The following ZEB2 variants were observed in gnomAD, a reference collection of about 807,000 sequenced individuals.
ZEB2 encodes zinc finger E-box-binding homeobox 2.
A neutral mutation model predicts 99.9 loss-of-function variants in ZEB2; 6 were observed. The observed-to-expected ratio is 0.06, with a 90% CI of 0.03 to 0.12. ZEB2 has a LOEUF of 0.12. Among genes scored for constraint, ZEB2 ranks in the 10% least tolerant of loss-of-function variants. The pLI is 1.00. For missense variants in ZEB2, 969 were observed against 1,502.8 expected, an observed-to-expected ratio of 0.64 and a Z score of 5.87; for synonymous variants, 517 against 542.5, an observed-to-expected ratio of 0.95 and a Z score of 0.65.
At chr2:144,410,131 G>C (rs765718583) in intron 4 of ZEB2, among the ~76,000 whole-genome samples, 1 of 151,950 alleles carries the variant, frequency 6.6e-6, no homozygotes, top group Admixed American at 6.6e-5. Context: ...GGATGGTCTC[G>C]ATCTCCTGAC....
rs1489720797 is a variant in ZEB2, at chr2:144,400,057, T to G, written c.1130A>C (p.Lys377Thr). ...TQLRNKLENGKPLSMSEQTGL... is the reference protein window; with the variant it reads ...TQLRNKLENGTPLSMSEQTGL... ...TGTCTGTTCAGACATACTAAGTGGT[T>G]TTCCATTCTCCAACTTGTTTCTTAA... Residue 377 changes from lysine to threonine, a missense_variant, in exon 8 of 10, where the codon AAA (lysine) becomes ACA (threonine). Coordinates refer to ENST00000627532, the MANE Select transcript of ZEB2 (RefSeq NM_014795.4). 6.2e-7 allele frequency: 1 copy of G among 1,613,612 alleles called. No individual in the cohort carries two copies. The highest frequency in any genetic ancestry group is 8.5e-7 in the Non-Finnish European group (1 of 1,179,602).
intron 1 of ZEB2, chr2:144,519,476 G>A: frequency 6.4e-6 from 1 of 157,148 alleles, no homozygotes; most frequent in Admixed American, 6.1e-5. Flanking sequence ...GAATTTGTAG[G>A]TCTGTAACTG....
Position 144,520,074 on chromosome 2 carries a change from AGTGTCGG to A in ZEB2, c.-212_-206del. On this transcript the variant is annotated 5_prime_UTR_variant, in exon 1 of 10. Transcript: ENST00000627532. ...CAAACTGTACAAAAACCTCGCCAAG[AGTGTCGG>A]GAGGCAGGACCGTTATTCCTGCAGA... The A allele has an allele frequency of 2.2e-6, 1 of 454,556 alleles. No individual in the cohort carries two copies. The allele number at this position is 454,556 out of a possible 1,614,324, so 28.2% of individuals were successfully genotyped here. A position where few individuals can be genotyped will look rare whatever the true frequency, so the allele number is the denominator to read the frequency against.
At chr2:144,464,091 T>C (rs1466607076) in intron 2 of ZEB2, 1 of 152,206 alleles carries the variant, frequency 6.6e-6, no homozygotes, top group East Asian at 1.9e-4. Context: ...ATGGCTGTGT[T>C]TAGCATCTGG....
intron 2 of ZEB2, among the ~76,000 whole-genome samples, chr2:144,488,960 G>C (rs1346171771): frequency 6.6e-6 from 1 of 152,084 alleles, no homozygotes; most frequent in African/African-American, 2.4e-5. Flanking sequence ...TGTAATAAGA[G>C]GCTCCTTTGC....
intron 2 of ZEB2, among the ~76,000 whole-genome samples, chr2:144,445,379 G>A (rs1703969462): frequency 6.7e-6 from 1 of 149,790 alleles, no homozygotes; most frequent in African/African-American, 2.5e-5. Flanking sequence ...TTGATGTGTA[G>A]ATTGCAGCAT....
At chr2:144,505,751 C>G (rs886494005) in intron 2 of ZEB2, among the ~76,000 whole-genome samples, 1 of 152,152 alleles carries the variant, frequency 6.6e-6, no homozygotes, top group Admixed American at 6.5e-5. Context: ...GCCAGAAGCC[C>G]TATCAAAGAA....
At chr2:144,493,518 C>A (rs1487356726) in intron 2 of ZEB2, among the ~76,000 whole-genome samples, 1 of 152,102 alleles carries the variant, frequency 6.6e-6, no homozygotes, top group African/African-American at 2.4e-5. Flanking sequence ...ATCCTGTGTT[C>A]TTTTCATTAT....
At chr2:144,472,182 G>A (rs1054836885) in intron 2 of ZEB2, among the ~76,000 whole-genome samples, 2 of 149,406 alleles carry the variant, frequency 1.3e-5, no homozygotes, top group Non-Finnish European at 3.0e-5. Flanking sequence ...GAAGCATTTG[G>A]TCATGTTTTC....
At chr2:144,437,398 T>C (rs1309124904) in intron 2 of ZEB2, among the ~76,000 whole-genome samples, 2 of 152,218 alleles carry the variant, frequency 1.3e-5, no homozygotes, top group African/African-American at 4.8e-5. Flanking sequence ...CAAGTGACTA[T>C]ATGTCTTCCA....
At chr2:144,438,118 G>A (rs1329199812) in intron 2 of ZEB2, among the ~76,000 whole-genome samples, 1 of 152,106 alleles carries the variant, frequency 6.6e-6, no homozygotes, top group Non-Finnish European at 1.5e-5. Context: ...CTTGCAAAAG[G>A]CATTCCATGC....
At position 144,517,708 on chromosome 2, in the gene ZEB2, C is replaced by A. The variant is rs1359032461; in HGVS notation, c.-69-289G>T. 8.5e-6 allele frequency: 6 copies of A among 702,732 alleles called. 1 individual carries two copies. In the South Asian group the frequency reaches 8.9e-5, roughly 10 times the overall value. 43.5% of individuals were successfully genotyped at this position (702,732 alleles called of 1,614,324 possible). A position where few individuals can be genotyped will look rare whatever the true frequency, so the allele number is the denominator to read the frequency against. ...TGACCGTATGAGGGAATGCACACGG[C>A]GGTACAGTAAGACCGCTTGACTCAG... On this transcript the variant is annotated intron_variant, in intron 1 of 9. Transcript: ENST00000627532.
At chr2:144,501,890 G>A (rs1704874904) in intron 2 of ZEB2, among the ~76,000 whole-genome samples, 1 of 152,212 alleles carries the variant, frequency 6.6e-6, no homozygotes, top group African/African-American at 2.4e-5. Flanking sequence ...AATCTATGCT[G>A]TTAGCAAGTG....
chr2:144,393,621 TG>T (rs1214540568), intron 9 of ZEB2, among the ~76,000 whole-genome samples: 1 of 152,176 alleles, frequency 6.6e-6, no homozygotes, highest in Admixed American at 6.5e-5. Flanking sequence ...GATAGGAACA[TG>T]GACTAAATTT....
At chr2:144,519,718 C>T (rs892003116) in intron 1 of ZEB2, 2 of 310,794 alleles carry the variant, frequency 6.4e-6, no homozygotes, top group Non-Finnish European at 1.3e-5. Flanking sequence ...GAGAGAAAAG[C>T]AAGGAGAGAG....
rs568645084 is a variant in ZEB2 at position 144,491,063 on chromosome 2, C to T, written c.73+26215G>A. ...TACGCATTGACACGATAGACCGGAA[C>T]AGCTCAGAAGAAGCTGTTATGGTCT... On this transcript the variant is annotated intron_variant, in intron 2 of 9. Transcript: ENST00000627532. 7.2e-5 allele frequency among the ~76,000 whole-genome samples: 11 copies of T among 152,314 alleles called. No individual in the cohort carries two copies. The South Asian group carries it at 1.0e-3, about 14-fold the overall frequency.
At position 144,399,783 on chromosome 2, in the gene ZEB2, G is replaced by A. The variant is rs1443743088; in HGVS notation, c.1404C>T (p.Asp468=). The A allele has an allele frequency of 6.2e-7, 1 of 1,613,972 alleles. No individual in the cohort carries two copies. The highest frequency in any genetic ancestry group is 1.7e-5 in the Admixed American group (1 of 59,998). ...SEVQKVLQIV[D]NTVSRQKMDC... ...CCATTTTTTGCCTGGAAACAGTATTGTCCACAATCTGTAGAACCTTTTGTA... is the reference window on the plus strand; with the variant it reads ...CCATTTTTTGCCTGGAAACAGTATTATCCACAATCTGTAGAACCTTTTGTA... Residue 468 remains aspartate, a synonymous_variant, in exon 8 of 10, where the codon GAC becomes GAT. Transcript: ENST00000627532. The surrounding 1 kb of genome is among the most constrained non-coding windows in gnomAD (Gnocchi z 5.6).
chr2:144,468,135 G>A (rs1444845709), intron 2 of ZEB2, among the ~76,000 whole-genome samples: 1 of 152,062 alleles, frequency 6.6e-6, no homozygotes, highest in Non-Finnish European at 1.5e-5. Context: ...AACTGATAGA[G>A]GAGACAGGAA....
At position 144,461,852 on chromosome 2, in the gene ZEB2, C is replaced by G. The variant is rs1023109502; in HGVS notation, c.74-31826G>C. 3 of 152,268 alleles carry G rather than the reference C, an allele frequency of 2.0e-5. No homozygotes were observed. The South Asian group carries it at 6.2e-4, about 32-fold the overall frequency. 9.4% of individuals were successfully genotyped at this position (152,268 alleles called of 1,614,324 possible). The stretch of plus-strand genomic sequence containing the variant: ...AAAAGATTCGGAGAGCGCAGATCAC[C>G]GTTTTATTACACACGTGGTAACATA... On this transcript the variant is annotated intron_variant, in intron 2 of 9. Transcript: ENST00000627532.
Sources: gnomAD v4.1 joint callset for allele counts (sites outside exome capture counted in the v4.1 genomes callset) on GRCh38, gnomAD v4.1.1 for gene constraint, Gnocchi (gnomAD v3.1) non-coding constraint, MANE v1.5 for transcripts, NCBI Gene and HGNC (gene_info 2026-07-23, HGNC 2026-07-21) for gene names.